Variants in SEMA5A observed in about 807,000 individuals in gnomAD.
SEMA5A encodes semaphorin 5A.
In SEMA5A, 55 loss-of-function variants were observed where a neutral mutation model predicts 135.5. The ratio of observed to expected loss-of-function variants is 0.41; its 90% CI spans 0.33 to 0.51. The LOEUF (loss-of-function observed/expected upper bound fraction) is 0.51, where lower values mean the gene tolerates loss of function less well. SEMA5A is among the 20% of genes least tolerant of loss of function. The pLI, the probability that SEMA5A is intolerant of heterozygous loss-of-function variation, is 0.37. For missense variants in SEMA5A, 1,290 were observed against 1,419.9 expected, an observed-to-expected ratio of 0.91 and a Z score of 1.47; for synonymous variants, 580 against 546.5, an observed-to-expected ratio of 1.06 and a Z score of -0.85.
chr5:9,164,868 G>A (rs1406326615), intron 11 of SEMA5A, among the ~76,000 whole-genome samples: 2 of 152,126 alleles, frequency 1.3e-5, no homozygotes, highest in African/African-American at 4.8e-5. Context: ...TAAATCTTTA[G>A]AAGGAAGAAG....
intron 2 of SEMA5A, among the ~76,000 whole-genome samples, chr5:9,434,266 G>A (rs1194593469): frequency 6.6e-6 from 1 of 152,142 alleles, no homozygotes; most frequent in Non-Finnish European, 1.5e-5. Flanking sequence ...AGAATTTTAT[G>A]TCTAGTATTA....
At chr5:9,474,062 G>T (rs1158169573) in intron 1 of SEMA5A, among the ~76,000 whole-genome samples, 1 of 152,166 alleles carries the variant, frequency 6.6e-6, no homozygotes, top group Non-Finnish European at 1.5e-5. Context: ...GATGTCAAAT[G>T]AGTTTTTTTT....
chr5:9,257,409 A>C (rs1440256562), intron 5 of SEMA5A, among the ~76,000 whole-genome samples: 1 of 151,802 alleles, frequency 6.6e-6, no homozygotes, highest in African/African-American at 2.4e-5. Context: ...TAAGTGGAAA[A>C]GTAAAGCTCT....
At chr5:9,288,408 C>T (rs1481992990) in intron 5 of SEMA5A, among the ~76,000 whole-genome samples, 3 of 152,202 alleles carry the variant, frequency 2.0e-5, no homozygotes, top group African/African-American at 7.2e-5. Context: ...GCTCGGACTT[C>T]CCTCCCCTTT....
chr5:9,486,400 C>A (rs917203799), intron 1 of SEMA5A, among the ~76,000 whole-genome samples: 2 of 152,116 alleles, frequency 1.3e-5, no homozygotes, highest in African/African-American at 2.4e-5. Context: ...ATGTAACGAA[C>A]CTGCACGTTC....
At chr5:9,123,955 G>A (rs1044146490) in intron 13 of SEMA5A, among the ~76,000 whole-genome samples, 2 of 152,146 alleles carry the variant, frequency 1.3e-5, no homozygotes, top group Non-Finnish European at 2.9e-5. Context: ...GCAACGAGGA[G>A]CCTGTGTTGA....
intron 13 of SEMA5A, among the ~76,000 whole-genome samples, chr5:9,128,910 G>A (rs1741257772): frequency 1.3e-5 from 2 of 152,118 alleles, no homozygotes; most frequent in Non-Finnish European, 2.9e-5. Flanking sequence ...CCACCCACTG[G>A]ATGCCAGTGC....
chr5:9,148,109 T>TA (rs1402509524), intron 12 of SEMA5A, among the ~76,000 whole-genome samples: 1 of 152,128 alleles, frequency 6.6e-6, no homozygotes, highest in African/African-American at 2.4e-5. Flanking sequence ...GAATGTTAAA[T>TA]AAAAAATTAA....
intron 1 of SEMA5A, among the ~76,000 whole-genome samples, chr5:9,519,401 A>G (rs1239270199): frequency 2.0e-5 from 3 of 152,214 alleles, no homozygotes; most frequent in African/African-American, 7.2e-5. Flanking sequence ...ATGTCCCTAA[A>G]CTTTTCATTG....
chr5:9,046,241 T>TGTCA (rs1736245790), intron 21 of SEMA5A, among the ~76,000 whole-genome samples: 1 of 152,178 alleles, frequency 6.6e-6, no homozygotes, highest in African/African-American at 2.4e-5. Flanking sequence ...TTCCCTGACC[T>TGTCA]GTCAACCCTG....
chr5:9,042,961 T>A lies in SEMA5A; in HGVS notation c.3161A>T (p.His1054Leu), dbSNP rs1003985924. ...LEERNKYFNP[H>L]LTGKTYSNAY... is the part of the protein sequence containing the mutation. ...ATTAGAATAGGTCTTCCCAGTGAGA[T>A]GTGGGTTGAAGTATTTGTTTCTTTC... The change falls in exon 23 of 23, where the codon CAT becomes CTT. Residue 1054 changes from histidine (H) to leucine (L), a missense_variant. His to Leu is a moderately conservative substitution (Grantham distance 99). Coordinates refer to ENST00000382496, the MANE Select transcript of SEMA5A (RefSeq NM_003966.3). 3 of 1,612,914 alleles carry A rather than the reference T, an allele frequency of 1.9e-6. No homozygotes were observed. The highest frequency in any genetic ancestry group is 1.1e-5 in the South Asian group (1 of 91,056).
intron 1 of SEMA5A, among the ~76,000 whole-genome samples, chr5:9,502,501 A>G (rs1203138703): frequency 6.6e-6 from 1 of 152,182 alleles, no homozygotes; most frequent in Non-Finnish European, 1.5e-5. Context: ...GGCCAGAGAT[A>G]GCAGAGAGCT....
chr5:9,497,316 A>AT (rs1561299219), intron 1 of SEMA5A, among the ~76,000 whole-genome samples: 1 of 152,190 alleles, frequency 6.6e-6, no homozygotes, highest in Admixed American at 6.5e-5. Context: ...GTATCTTTTT[A>AT]TTTTTAAAAA....
intron 2 of SEMA5A, among the ~76,000 whole-genome samples, chr5:9,425,309 G>A (rs1317225603): frequency 6.6e-6 from 1 of 152,240 alleles, no homozygotes; most frequent in Non-Finnish European, 1.5e-5. Context: ...AGAGCCAGGA[G>A]CCTATCTGTC....
chr5:9,474,428 A>G (rs866621105), intron 1 of SEMA5A, among the ~76,000 whole-genome samples: 16 of 152,196 alleles, frequency 1.1e-4, no homozygotes, highest in African/African-American at 3.9e-4. Context: ...CCACCAGGAA[A>G]CAGGAGTCTG....
chr5:9,409,076 T>C (rs909207437), intron 2 of SEMA5A, among the ~76,000 whole-genome samples: 2 of 152,144 alleles, frequency 1.3e-5, no homozygotes, highest in Non-Finnish European at 2.9e-5. Flanking sequence ...ACTGAATTAG[T>C]TGGCAGCAGA....
chr5:9,072,014 C>T (rs1241553708), intron 16 of SEMA5A, among the ~76,000 whole-genome samples: 3 of 152,102 alleles, frequency 2.0e-5, no homozygotes, highest in Non-Finnish European at 4.4e-5. Flanking sequence ...TTTAGTTGTA[C>T]CCAGTAAGGA....
intron 4 of SEMA5A, among the ~76,000 whole-genome samples, chr5:9,324,547 C>A (rs1752784071): frequency 6.6e-6 from 1 of 152,100 alleles, no homozygotes; most frequent in Non-Finnish European, 1.5e-5. Context: ...GGAAAAATTC[C>A]AAGCCAGCTG....
chr5:9,384,201 A>C (rs1268000036), intron 2 of SEMA5A, among the ~76,000 whole-genome samples: 1 of 152,020 alleles, frequency 6.6e-6, no homozygotes, highest in Non-Finnish European at 1.5e-5. Context: ...TAACTCCTTG[A>C]AGAGGCTTTT....
Sources: allele counts gnomAD v4.1 joint callset (sites outside exome capture counted in the v4.1 genomes callset), GRCh38; gene constraint gnomAD v4.1.1; transcripts MANE v1.5; gene names NCBI Gene and HGNC (gene_info 2026-07-23, HGNC 2026-07-21).